EMC2: variants seen among roughly 807,000 people sequenced by gnomAD.
EMC2 encodes the protein TPR repeat protein 35.
A neutral mutation model predicts 51.6 loss-of-function variants in EMC2; 37 were observed. The observed-to-expected ratio is 0.72, with a 90% CI of 0.55 to 0.94. The LOEUF (loss-of-function observed/expected upper bound fraction) is 0.94, where lower values mean the gene tolerates loss of function less well. Ranked by LOEUF, EMC2 falls within the 40% of genes least tolerant of loss-of-function variation. The probability of loss-of-function intolerance (pLI) is 0.00; values close to 1 mark genes in which losing one functional copy is unlikely to be tolerated. For missense variants in EMC2, 359 were observed against 350.9 expected (o/e 1.02, Z -0.18); for synonymous variants, 131 against 112.4 (o/e 1.17, Z -1.04).
intron 5 of EMC2, among the ~76,000 whole-genome samples, chr8:108,460,028 C>T (rs1254366398): frequency 2.0e-5 from 3 of 152,206 alleles, no homozygotes; most frequent in South Asian, 2.1e-4. Context: ...AAGATTTTCT[C>T]CTGTACTTAT....
intron 7 of EMC2, among the ~76,000 whole-genome samples, chr8:108,473,621 G>A (rs1308442214): frequency 6.6e-6 from 1 of 151,866 alleles, no homozygotes; most frequent in Non-Finnish European, 1.5e-5. Context: ...CATTAATTAT[G>A]ATTGTGATTA....
intron 1 of EMC2, among the ~76,000 whole-genome samples, chr8:108,447,751 C>T (rs922530366): frequency 6.6e-6 from 1 of 152,018 alleles, no homozygotes; most frequent in African/African-American, 2.4e-5. Context: ...ATAAAATGTA[C>T]AAGCAAGCAG....
At chr8:108,453,226 A>G (rs1819071659) in intron 4 of EMC2, 79 bp downstream of exon 4, 4 of 714,702 alleles carry the variant, frequency 5.6e-6, no homozygotes, top group Non-Finnish European at 9.4e-6. Context: ...TAATTCAGAC[A>G]TTCTAGAGTG....
chr8:108,479,081 G>A lies in EMC2; in HGVS notation c.778G>A (p.Ala260Thr). The stretch of plus-strand genomic sequence containing the variant: ...GGACAACATGAAATATGCTAGTTGG[G>A]CAGCTAGTCAAATAAACAGAGCTTA... ...KKDNMKYASW[A>T]ASQINRAYQF... Residue 260 changes from alanine to threonine, a missense_variant, in exon 10 of 11, where the codon GCA becomes ACA. Transcript: ENST00000220853. 1 of 1,580,766 alleles carries A rather than the reference G, an allele frequency of 6.3e-7. No individual in the cohort carries two copies.
At position 108,469,864 on chromosome 8, in the gene EMC2, G is replaced by A; in HGVS notation, c.402G>A (p.Gln134=). ...RKRKIAIRKA[Q]GKNVEAIREL... is the part of the protein sequence containing the mutation. ...GTAAGATTGCCATTCGAAAAGCCCA[G>A]GGGAAAAATGTGGAGGCCATTCGGG... The change falls in exon 6 of 11, where the codon CAG becomes CAA. Residue 134 remains glutamine (Q), a synonymous_variant. Coordinates refer to ENST00000220853, the MANE Select transcript of EMC2 (RefSeq NM_014673.5). 1.9e-6 allele frequency: 3 copies of A among 1,613,540 alleles called. No homozygotes were observed. The highest frequency in any genetic ancestry group is 2.5e-6 in the Non-Finnish European group (3 of 1,179,576).
intron 10 of EMC2, among the ~76,000 whole-genome samples, chr8:108,479,760 A>AGTTTT (rs1045673846): frequency 4.7e-4 from 71 of 151,938 alleles, no homozygotes; most frequent in African/African-American, 1.6e-3. Context: ...CATACTGTTC[A>AGTTTT]GTTTTGTTTT....
chr8:108,450,345 A>G (rs1818986197), intron 2 of EMC2, 83 bp from the exon 3 acceptor site: 3 of 812,388 alleles, frequency 3.7e-6, no homozygotes, highest in Non-Finnish European at 6.5e-6. Flanking sequence ...CTCTAGAAAT[A>G]TCAGAAACTA....
At chr8:108,483,854 G>T (rs1811089311) in intron 10 of EMC2, among the ~76,000 whole-genome samples, 1 of 152,070 alleles carries the variant, frequency 6.6e-6, no homozygotes, top group Non-Finnish European at 1.5e-5. Context: ...TGACATTCTT[G>T]ATAACTAGGT....
rs1321836649 is a variant in EMC2, at chr8:108,453,158, C to A, written c.305+11C>A. 1 of 1,536,042 alleles carries A rather than the reference C, an allele frequency of 6.5e-7. No homozygotes were observed. The highest frequency in any genetic ancestry group is 8.9e-7 in the Non-Finnish European group (1 of 1,123,820). On this transcript the variant is annotated intron_variant, in intron 4 of 10. Transcript: ENST00000220853. ...TGAAGCCATGGAAAGGTAACCAAAT[C>A]TTATCAGCTGGCAGGCATGGAGCCT...
At chr8:108,473,321 A>G (rs1013053403) in intron 7 of EMC2, among the ~76,000 whole-genome samples, 3 of 152,028 alleles carry the variant, frequency 2.0e-5, no homozygotes, top group African/African-American at 7.2e-5. Flanking sequence ...GAAATCCACA[A>G]TACTCCAAAA....
chr8:108,484,773 G>C (rs1212778044), intron 10 of EMC2, among the ~76,000 whole-genome samples: 1 of 151,854 alleles, frequency 6.6e-6, no homozygotes, highest in Non-Finnish European at 1.5e-5. Context: ...AAAGCTTTCT[G>C]TTTCTGGTAA....
At position 108,486,907 on chromosome 8, in the gene EMC2, A is replaced by C. The variant is rs899100971; in HGVS notation, c.*309A>C. On this transcript the variant is annotated 3_prime_UTR_variant, in exon 11 of 11. Transcript: ENST00000220853. ...CTTGTTAAATAAACCATGATGATTT[A>C]TTAAACTTGCATATGAAGATTCTAA... 1.0e-5 allele frequency: 2 copies of C among 194,084 alleles called. No homozygotes were observed. Among genetic ancestry groups the C allele is most frequent in the Non-Finnish European group, 1.0e-5 (1 of 96,518 alleles). The allele number at this position is 194,084 out of a possible 1,614,324, so 12.0% of individuals were successfully genotyped here. A position where few individuals can be genotyped will look rare whatever the true frequency, so the allele number is the denominator to read the frequency against.
At chr8:108,461,684 T>C (rs544616338) in intron 5 of EMC2, among the ~76,000 whole-genome samples, 17 of 152,210 alleles carry the variant, frequency 1.1e-4, no homozygotes, top group Non-Finnish European at 1.8e-4. Context: ...GCATACCTTC[T>C]TCCCATCTTT....
At chr8:108,477,896 A>G (rs891722823) in intron 9 of EMC2, among the ~76,000 whole-genome samples, 5 of 152,086 alleles carry the variant, frequency 3.3e-5, no homozygotes, top group African/African-American at 1.2e-4. Context: ...GGTGCTCTCA[A>G]TACTATCCTC....
At chr8:108,457,887 C>T (rs1364353417) in intron 5 of EMC2, among the ~76,000 whole-genome samples, 1 of 152,222 alleles carries the variant, frequency 6.6e-6, no homozygotes, top group Non-Finnish European at 1.5e-5. Flanking sequence ...CAGAAGTCCA[C>T]AGTCCAGCAT....
chr8:108,445,064 A>G (rs1818845174), intron 1 of EMC2, among the ~76,000 whole-genome samples: 1 of 152,198 alleles, frequency 6.6e-6, no homozygotes, highest in Non-Finnish European at 1.5e-5. Flanking sequence ...AGTAGCATAT[A>G]TAAAATCCTG....
rs571251383 is a variant in EMC2, at chr8:108,488,488, A to G, written c.*1890A>G. On this transcript the variant is annotated 3_prime_UTR_variant, in exon 11 of 11. Coordinates refer to ENST00000220853, the MANE Select transcript of EMC2 (RefSeq NM_014673.5). ...ATCACTTTATTTTTTCAAAATTTTA[A>G]TAACTTCTTTCCAAGATTTTATATT... Among the ~76,000 whole-genome samples the G allele has an allele frequency of 4.6e-5, 7 of 152,158 alleles. No homozygotes were observed. The highest frequency in any genetic ancestry group is 7.4e-5 in the Non-Finnish European group (5 of 68,012).
At chr8:108,448,155 G>A (rs1178775955) in intron 1 of EMC2, among the ~76,000 whole-genome samples, 2 of 151,978 alleles carry the variant, frequency 1.3e-5, no homozygotes, top group Non-Finnish European at 2.9e-5. Flanking sequence ...ACTATTGTAC[G>A]AACCAAGCAA....
rs1029495103 is a variant in EMC2, at chr8:108,488,995, C to G, written c.*2397C>G. Among the ~76,000 whole-genome samples the G allele has an allele frequency of 2.6e-5, 4 of 152,086 alleles. No homozygotes were observed. The highest frequency in any genetic ancestry group is 5.9e-5 in the Non-Finnish European group (4 of 68,012). On this transcript the variant is annotated 3_prime_UTR_variant, in exon 11 of 11. Coordinates refer to ENST00000220853, the MANE Select transcript of EMC2 (RefSeq NM_014673.5). ...CTCCTCTTTCTGGCCAACAGCATGC[C>G]TAAAGGTGCAGCTGCCATCAAACAA...
Sources: allele counts gnomAD v4.1 joint callset (sites outside exome capture counted in the v4.1 genomes callset), GRCh38; gene constraint gnomAD v4.1.1; transcripts MANE v1.5; gene names NCBI Gene and HGNC (gene_info 2026-07-23, HGNC 2026-07-21).